CALM2: variants seen among roughly 807,000 people sequenced by gnomAD.
CALM2 encodes the protein calmodulin 2, also known as calmodulin-2.
Under a neutral mutation model 19.8 loss-of-function variants are expected in CALM2, and 2 were observed. That is an observed-to-expected ratio of 0.10 (90% CI 0.04 to 0.32). The LOEUF is 0.32. Ranked by LOEUF, CALM2 falls within the 10% of genes least tolerant of loss-of-function variation. The probability of loss-of-function intolerance (pLI) is 1.00; values close to 1 mark genes in which losing one functional copy is unlikely to be tolerated. For synonymous variants in CALM2, 51 were observed against 52.1 expected, an observed-to-expected ratio of 0.98 and a Z score of 0.09; for missense variants, 38 against 178.7, an observed-to-expected ratio of 0.21 and a Z score of 4.49.
chr2:47,170,374 C>T (rs186710987), intron 2 of CALM2, among the ~76,000 whole-genome samples: 19 of 152,272 alleles, frequency 1.2e-4, no homozygotes, highest in African/African-American at 3.9e-4. Context: ...TTCAAGTTGC[C>T]TTAGTTACTT....
intron 2 of CALM2, among the ~76,000 whole-genome samples, chr2:47,166,210 T>G (rs543656448): frequency 1.3e-5 from 2 of 152,188 alleles, no homozygotes; most frequent in African/African-American, 4.8e-5. Flanking sequence ...TGTAGAAATA[T>G]CTAGAAATAC....
chr2:47,165,282 CA>C (rs1281341475), intron 2 of CALM2, among the ~76,000 whole-genome samples: 1 of 152,192 alleles, frequency 6.6e-6, no homozygotes, highest in East Asian at 1.9e-4. Flanking sequence ...CTTCTTCTGG[CA>C]ATGCAATATG....
intron 2 of CALM2, chr2:47,163,441 T>G (rs987095222): frequency 1.3e-5 from 2 of 152,040 alleles, no homozygotes; most frequent in African/African-American, 4.8e-5. Context: ...TGCTGTTGTT[T>G]TTTTTTTTGA....
chr2:47,170,200 T>G (rs181656666), intron 2 of CALM2, among the ~76,000 whole-genome samples: 1 of 152,302 alleles, frequency 6.6e-6, no homozygotes, highest in Admixed American at 6.5e-5. Flanking sequence ...AAGAGAAAAA[T>G]CCACATTGCT....
At chr2:47,164,355 CA>C (rs1666385707) in intron 2 of CALM2, among the ~76,000 whole-genome samples, 1 of 6,734 alleles carries the variant, frequency 1.5e-4, no homozygotes, top group African/African-American at 6.6e-4. Flanking sequence ...AAAACACACA[CA>C]CACACACACA....
intron 2 of CALM2, among the ~76,000 whole-genome samples, chr2:47,167,282 T>C (rs1345444147): frequency 6.6e-6 from 1 of 152,212 alleles, no homozygotes; most frequent in Non-Finnish European, 1.5e-5. Context: ...ACATTTTTCC[T>C]ATCAGTCTTC....
At chr2:47,163,412 G>A (rs1408377967) in intron 2 of CALM2, 7 of 151,626 alleles carry the variant, frequency 4.6e-5, no homozygotes, top group African/African-American at 1.7e-4. Context: ...ACATCTTGTT[G>A]TGATAGTATG....
At position 47,162,480 on chromosome 2, in the gene CALM2, T is replaced by C. The variant is rs1296585324; in HGVS notation, c.178+39A>G. ...TTAGTGGAAACATCTAAGTATCACTTCTTCAACCCCTCCCAGCCCCACAAA... is the reference window on the plus strand; with the variant it reads ...TTAGTGGAAACATCTAAGTATCACTCCTTCAACCCCTCCCAGCCCCACAAA... On this transcript the variant is annotated intron_variant, in intron 3 of 5. Coordinates refer to ENST00000272298, the MANE Select transcript of CALM2 (RefSeq NM_001743.6). 10 of 1,613,300 alleles carry C rather than the reference T, an allele frequency of 6.2e-6. No homozygotes were observed. The Middle Eastern group carries it at 6.6e-4, about 106-fold the overall frequency.
chr2:47,173,035 A>T (rs1204492834), intron 1 of CALM2: 1 of 152,192 alleles, frequency 6.6e-6, no homozygotes. Flanking sequence ...TGAATTAAGC[A>T]CCCAAGAGAC....
upstream of CALM2, chr2:47,176,651 C>A: frequency 6.8e-7 from 1 of 1,472,762 alleles, no homozygotes; most frequent in Non-Finnish European, 9.0e-7. Context: ...CCTTTCTTCA[C>A]AGTTATTTGG....
chr2:47,169,923 A>T (rs945613730), intron 2 of CALM2, among the ~76,000 whole-genome samples: 17 of 151,834 alleles, frequency 1.1e-4, no homozygotes, highest in Middle Eastern at 3.4e-3. Flanking sequence ...GTGTCTAATG[A>T]AAACAAAGGA....
chr2:47,169,916 T>G (rs1347156907), intron 2 of CALM2, among the ~76,000 whole-genome samples: 2 of 149,696 alleles, frequency 1.3e-5, no homozygotes, highest in African/African-American at 4.9e-5. Context: ...AATAAAAGTG[T>G]CTAATGAAAA....
At chr2:47,176,267 G>C in intron 1 of CALM2, 174 bp downstream of exon 1, 1 of 700,350 alleles carries the variant, frequency 1.4e-6, no homozygotes, top group Non-Finnish European at 2.4e-6. Flanking sequence ...GAATGGGGGT[G>C]GGGGAGCACC....
intron 1 of CALM2, 73 bp downstream of exon 1, chr2:47,176,368 C>T: frequency 1.3e-6 from 2 of 1,580,292 alleles, no homozygotes; most frequent in Admixed American, 1.7e-5. Flanking sequence ...AGGCGAGTTT[C>T]CTTTGTTTAG....
chr2:47,162,451 A>T, intron 3 of CALM2, 59 bp from the exon 4 acceptor site: 1 of 1,609,332 alleles, frequency 6.2e-7, no homozygotes, highest in Non-Finnish European at 8.5e-7. Flanking sequence ...CAAACAGCAA[A>T]GGTTTAGTGG....
intron 1 of CALM2, 62 bp from the exon 2 acceptor site, chr2:47,170,826 A>T: frequency 2.2e-6 from 3 of 1,367,854 alleles, no homozygotes; most frequent in Non-Finnish European, 3.1e-6. Flanking sequence ...CAGTTACAGA[A>T]ACAAGTTTAA....
chr2:47,176,228 C>G (rs1160190142), intron 1 of CALM2: 1 of 584,216 alleles, frequency 1.7e-6, no homozygotes, highest in South Asian at 2.2e-5. Flanking sequence ...GTCCGGCCCT[C>G]AACTCACTAG....
chr2:47,173,091 T>C (rs970041987), intron 1 of CALM2: 4 of 152,264 alleles, frequency 2.6e-5, no homozygotes, highest in East Asian at 1.9e-4. Context: ...GCTTGGAAGG[T>C]TGAGAAGCTT....
intron 2 of CALM2, among the ~76,000 whole-genome samples, chr2:47,170,183 G>GT (rs765640813): frequency 3.9e-5 from 6 of 152,176 alleles, no homozygotes; most frequent in Non-Finnish European, 7.4e-5. Flanking sequence ...AGCTGTCACT[G>GT]TTTTTTAAGA....
Sources: gnomAD v4.1 joint callset for allele counts (sites outside exome capture counted in the v4.1 genomes callset) on GRCh38, gnomAD v4.1.1 for gene constraint, MANE v1.5 for transcripts, NCBI Gene and HGNC (gene_info 2026-07-23, HGNC 2026-07-21) for gene names.